Variants in SEMA3A observed in about 807,000 individuals in gnomAD.
SEMA3A encodes the protein semaphorin 3A, also known as semaphorin-3A.
A neutral mutation model predicts 97.9 loss-of-function variants in SEMA3A; 29 were observed. The observed-to-expected ratio is 0.30, with a 90% confidence interval of 0.22 to 0.40. The LOEUF is 0.40. SEMA3A is among the 10% of genes least tolerant of loss of function. SEMA3A has a pLI of 1.00. For missense variants in SEMA3A, 763 were observed against 951.3 expected (o/e 0.80, Z 2.60); for synonymous variants, 321 against 323.7 (o/e 0.99, Z 0.09).
chr7:84,202,305 A>G (rs1798376369), intron 3 of SEMA3A, among the ~76,000 whole-genome samples: 1 of 152,166 alleles, frequency 6.6e-6, no homozygotes, highest in South Asian at 2.1e-4. Flanking sequence ...CATTGCATAC[A>G]TGCTTTAAAA....
intron 12 of SEMA3A, among the ~76,000 whole-genome samples, chr7:84,000,519 T>TAAGTA (rs1790397613): frequency 1.3e-5 from 2 of 152,298 alleles, no homozygotes; most frequent in African/African-American, 4.8e-5. Flanking sequence ...CATTTTGAGC[T>TAAGTA]AAGTACTCGT....
At chr7:84,392,054 A>C (rs1020044297) in intron 1 of SEMA3A, among the ~76,000 whole-genome samples, 1 of 152,136 alleles carries the variant, frequency 6.6e-6, no homozygotes, top group Non-Finnish European at 1.5e-5. Flanking sequence ...GCATTATTAA[A>C]TCAAGCTAAC....
At chr7:84,210,135 T>A (rs1310261335) in intron 3 of SEMA3A, among the ~76,000 whole-genome samples, 2 of 152,222 alleles carry the variant, frequency 1.3e-5, no homozygotes, top group African/African-American at 4.8e-5. Context: ...AGCCCTGGAA[T>A]CATTTCCATA....
chr7:84,443,084 A>G (rs1805311213), intron 1 of SEMA3A, among the ~76,000 whole-genome samples: 1 of 152,176 alleles, frequency 6.6e-6, no homozygotes. Context: ...GTATGCGAAT[A>G]GAGGATTTAA....
intron 3 of SEMA3A, among the ~76,000 whole-genome samples, chr7:84,284,798 T>C (rs745369914): frequency 6.6e-6 from 1 of 152,172 alleles, no homozygotes; most frequent in Non-Finnish European, 1.5e-5. Flanking sequence ...TGTTCCTTTT[T>C]TTGATTGATG....
intron 1 of SEMA3A, among the ~76,000 whole-genome samples, chr7:84,458,733 C>T (rs893453895): frequency 1.3e-5 from 2 of 151,980 alleles, no homozygotes; most frequent in African/African-American, 4.8e-5. Context: ...TATTTTGATA[C>T]ATATATACAA....
intron 1 of SEMA3A, among the ~76,000 whole-genome samples, chr7:84,166,598 C>T (rs1310813601): frequency 2.7e-5 from 4 of 148,630 alleles, no homozygotes; most frequent in African/African-American, 7.5e-5. Context: ...GCCGGGGGGG[C>T]GCAGTGGCTC....
intron 3 of SEMA3A, among the ~76,000 whole-genome samples, chr7:84,245,216 T>C (rs1374871992): frequency 6.6e-6 from 1 of 152,196 alleles, no homozygotes; most frequent in African/African-American, 2.4e-5. Flanking sequence ...CCCATCAGTT[T>C]CAGGTACACC....
chr7:84,184,567 T>C (rs1311864081), intron 1 of SEMA3A, among the ~76,000 whole-genome samples: 2 of 152,044 alleles, frequency 1.3e-5, no homozygotes, highest in Admixed American at 6.6e-5. Flanking sequence ...TCAAAAGATA[T>C]AGACTGAAGT....
intron 1 of SEMA3A, among the ~76,000 whole-genome samples, chr7:84,181,044 A>G (rs2116236068): frequency 6.6e-6 from 1 of 152,168 alleles, no homozygotes; most frequent in East Asian, 1.9e-4. Context: ...ACAAAATATG[A>G]ACTTATGCTT....
chr7:84,367,060 T>C (rs997833221), intron 2 of SEMA3A, among the ~76,000 whole-genome samples: 3 of 151,266 alleles, frequency 2.0e-5, no homozygotes, highest in Non-Finnish European at 4.4e-5. Flanking sequence ...GGCTTGACCA[T>C]TTATATATGA....
At chr7:83,965,641 TATATATATATATATATATATATATA>T (rs1330763034) in intron 15 of SEMA3A, among the ~76,000 whole-genome samples, 7 of 8,230 alleles carry the variant, frequency 8.5e-4, no homozygotes, top group Non-Finnish European at 1.5e-3. Flanking sequence ...TATATATATA[TATATATATATATATATATATATATA>T]TTTTTTTTTT....
At chr7:84,125,032 A>T (rs982570929) in intron 3 of SEMA3A, among the ~76,000 whole-genome samples, 1 of 152,100 alleles carries the variant, frequency 6.6e-6, no homozygotes, top group Non-Finnish European at 1.5e-5. Context: ...GAAGAAAAAT[A>T]TATTTTTCCT....
At chr7:84,212,986 G>A (rs938794474) in intron 3 of SEMA3A, among the ~76,000 whole-genome samples, 10 of 151,634 alleles carry the variant, frequency 6.6e-5, no homozygotes, top group African/African-American at 9.7e-5. Flanking sequence ...TTTTTGAGAC[G>A]GAGTTTCACT....
In SEMA3A at chr7:84,402,221, G is replaced by A. The variant is rs147219135; in HGVS notation, c.-245-30321C>T. ...GCCTGGATAGACATTTCTTAAAATC[G>A]ACACCACGGCTGGGTATATGGAAAA... is the stretch of plus-strand genomic sequence containing the variant. On this transcript the variant is annotated intron_variant, in intron 1 of 3. Transcript: ENST00000424555. Among the ~76,000 whole-genome samples, 121 of 152,160 alleles carry A rather than the reference G, an allele frequency of 8.0e-4. No homozygotes were observed. In the Middle Eastern group the frequency reaches 0.01, roughly 13 times the overall value.
chr7:84,219,775 T>TTC (rs1798833911), intron 3 of SEMA3A, among the ~76,000 whole-genome samples: 1 of 152,316 alleles, frequency 6.6e-6, no homozygotes, highest in Middle Eastern at 3.4e-3. Flanking sequence ...TTGTTGCAGC[T>TTC]TCTCCACAGC....
intron 4 of SEMA3A, among the ~76,000 whole-genome samples, chr7:84,096,164 T>C (rs1344516189): frequency 6.6e-6 from 1 of 152,016 alleles, no homozygotes; most frequent in Non-Finnish European, 1.5e-5. Flanking sequence ...GTGAAGGCAA[T>C]GTAACATAAT....
intron 6 of SEMA3A, among the ~76,000 whole-genome samples, chr7:84,043,257 CCTG>C (rs886388440): frequency 2.0e-5 from 3 of 151,874 alleles, no homozygotes; most frequent in African/African-American, 7.3e-5. Flanking sequence ...CCTAAATTTT[CCTG>C]CTAAAACTGA....
chr7:84,297,852 A>G (rs960266612), intron 3 of SEMA3A, among the ~76,000 whole-genome samples: 1 of 152,206 alleles, frequency 6.6e-6, no homozygotes, highest in Non-Finnish European at 1.5e-5. Flanking sequence ...ATGAGCTGCA[A>G]CTGTATTTCA....
Sources: allele counts gnomAD v4.1 joint callset (sites outside exome capture counted in the v4.1 genomes callset), GRCh38; gene constraint gnomAD v4.1.1; transcripts MANE v1.5; gene names NCBI Gene and HGNC (gene_info 2026-07-23, HGNC 2026-07-21).